The following LEKR1 variants were observed in gnomAD, a reference collection of about 807,000 sequenced individuals.
The protein encoded by LEKR1 is leucine, glutamate and lysine rich 1.
In LEKR1, 59 loss-of-function variants were observed where a neutral mutation model predicts 72.4. The ratio of observed to expected loss-of-function variants is 0.82; its 90% CI spans 0.66 to 1.01. The LOEUF is 1.01. Ranked by LOEUF, LEKR1 falls within the 50% of genes least tolerant of loss-of-function variation. The pLI, the probability that LEKR1 is intolerant of heterozygous loss-of-function variation, is 0.00. For missense variants in LEKR1, 728 were observed against 759.2 expected, an observed-to-expected ratio of 0.96 and a Z score of 0.48; for synonymous variants, 257 against 263.2, an observed-to-expected ratio of 0.98 and a Z score of 0.23.
intron 3 of LEKR1, among the ~76,000 whole-genome samples, chr3:156,885,670 C>T (rs754821446): frequency 1.3e-5 from 2 of 152,190 alleles, no homozygotes; most frequent in Non-Finnish European, 2.9e-5. Flanking sequence ...GTAGAGATGG[C>T]GGAGAAGTAA....
At chr3:156,958,007 A>G (rs570538098) in intron 6 of LEKR1, among the ~76,000 whole-genome samples, 1 of 152,278 alleles carries the variant, frequency 6.6e-6, no homozygotes, top group South Asian at 2.1e-4. Context: ...AACAGAGAAA[A>G]CATTTTTGAA....
chr3:156,944,373 T>C (rs1010595212), intron 6 of LEKR1, among the ~76,000 whole-genome samples: 4 of 151,806 alleles, frequency 2.6e-5, no homozygotes, highest in Non-Finnish European at 4.4e-5. Context: ...AAATGAGGTG[T>C]CCTGCCTCAA....
chr3:156,882,588 G>C (rs1368495738), intron 3 of LEKR1, among the ~76,000 whole-genome samples: 1 of 152,216 alleles, frequency 6.6e-6, no homozygotes, highest in African/African-American at 2.4e-5. Flanking sequence ...GTGGAAGTCA[G>C]TGTGGCAATT....
intron 9 of LEKR1, among the ~76,000 whole-genome samples, chr3:157,006,313 A>G (rs1732435661): frequency 6.6e-6 from 1 of 152,304 alleles, no homozygotes; most frequent in African/African-American, 2.4e-5. Flanking sequence ...CCACTACTAT[A>G]CATTTTTAGA....
At chr3:156,878,065 G>A (rs993650089) in intron 3 of LEKR1, among the ~76,000 whole-genome samples, 1 of 151,902 alleles carries the variant, frequency 6.6e-6, no homozygotes, top group African/African-American at 2.4e-5. Flanking sequence ...ACAGGTGTGA[G>A]CCACCGCACT....
At chr3:156,975,097 T>G (rs1729578448) in intron 6 of LEKR1, among the ~76,000 whole-genome samples, 1 of 152,174 alleles carries the variant, frequency 6.6e-6, no homozygotes, top group African/African-American at 2.4e-5. Flanking sequence ...TCCTGTATGA[T>G]AGTGACTATT....
At chr3:156,874,100 C>T (rs1379338446) in intron 3 of LEKR1, among the ~76,000 whole-genome samples, 3 of 152,020 alleles carry the variant, frequency 2.0e-5, no homozygotes, top group Non-Finnish European at 2.9e-5. Context: ...CTAATCCATT[C>T]ATTTTCTGTT....
At chr3:157,043,847 A>AT (rs1325498749) in intron 12 of LEKR1, among the ~76,000 whole-genome samples, 2 of 152,150 alleles carry the variant, frequency 1.3e-5, no homozygotes, top group East Asian at 1.9e-4. Flanking sequence ...TTAACCCATG[A>AT]TTTTTTTAAA....
At chr3:156,887,502 T>C (rs1720228956) in intron 3 of LEKR1, among the ~76,000 whole-genome samples, 1 of 152,330 alleles carries the variant, frequency 6.6e-6, no homozygotes, top group East Asian at 1.9e-4. Flanking sequence ...TATGAACTGT[T>C]ATGTAGATGT....
At chr3:157,004,574 A>T (rs1276429645) in intron 9 of LEKR1, among the ~76,000 whole-genome samples, 1 of 152,168 alleles carries the variant, frequency 6.6e-6, no homozygotes, top group Non-Finnish European at 1.5e-5. Flanking sequence ...TGATTGGGAC[A>T]TGAAATAAAA....
intron 6 of LEKR1, among the ~76,000 whole-genome samples, chr3:156,952,844 A>G (rs1008026910): frequency 1.3e-5 from 2 of 151,528 alleles, no homozygotes; most frequent in African/African-American, 4.8e-5. Context: ...TAAATTGTGC[A>G]GTATTCAAAC....
chr3:156,877,166 A>G (rs1718696783), intron 3 of LEKR1, among the ~76,000 whole-genome samples: 3 of 152,190 alleles, frequency 2.0e-5, no homozygotes, highest in Admixed American at 2.0e-4. Context: ...TATGAAACCT[A>G]ATTGATCATG....
In LEKR1 at chr3:157,045,817, T is replaced by C. The variant is rs1735717924; in HGVS notation, c.*67T>C. On this transcript the variant is annotated 3_prime_UTR_variant, in exon 13 of 13. Transcript: ENST00000356539. The stretch of plus-strand genomic sequence containing the variant: ...CTTTCAGAGAGTGCCAGGAATTCAC[T>C]GTAACTGAGAATGACAATGATAAAA... The C allele has an allele frequency of 7.6e-7, 1 of 1,311,538 alleles. No homozygotes were observed. The allele number at this position is 1,311,538 out of a possible 1,614,324, so 81.2% of individuals were successfully genotyped here. A position where few individuals can be genotyped will look rare whatever the true frequency, so the allele number is the denominator to read the frequency against.
chr3:156,940,880 G>A (rs899873456), intron 5 of LEKR1, among the ~76,000 whole-genome samples: 14 of 152,124 alleles, frequency 9.2e-5, no homozygotes, highest in South Asian at 2.1e-4. Context: ...GTGACACCAC[G>A]TGTGTGGTGC....
At chr3:156,994,504 G>A (rs1179371374) in intron 9 of LEKR1, among the ~76,000 whole-genome samples, 2 of 152,006 alleles carry the variant, frequency 1.3e-5, no homozygotes, top group Non-Finnish European at 1.5e-5. Flanking sequence ...CTTCAACACC[G>A]AAAATGTACC....
chr3:156,906,069 G>T (rs1221993169), intron 3 of LEKR1, among the ~76,000 whole-genome samples: 2 of 152,092 alleles, frequency 1.3e-5, no homozygotes, highest in African/African-American at 4.8e-5. Flanking sequence ...TTAGAACCAG[G>T]AGCTTGACAA....
chr3:157,018,610 G>A (rs1733570533), intron 10 of LEKR1, among the ~76,000 whole-genome samples: 1 of 152,114 alleles, frequency 6.6e-6, no homozygotes, highest in Middle Eastern at 3.4e-3. Context: ...AGGGGTTGGG[G>A]GGACAGCTTA....
chr3:156,918,731 G>A (rs62275803), intron 3 of LEKR1, among the ~76,000 whole-genome samples: 1 of 152,090 alleles, frequency 6.6e-6, no homozygotes, highest in African/African-American at 2.4e-5. Flanking sequence ...GTGTAAACAT[G>A]TTAGTAATAT....
chr3:156,956,287 A>G (rs1387686074), intron 6 of LEKR1, among the ~76,000 whole-genome samples: 2 of 151,764 alleles, frequency 1.3e-5, no homozygotes, highest in African/African-American at 4.8e-5. Flanking sequence ...TGATCCCTCT[A>G]CTCCTTCAGC....
Sources: allele counts gnomAD v4.1 joint callset (sites outside exome capture counted in the v4.1 genomes callset), GRCh38; gene constraint gnomAD v4.1.1; transcripts MANE v1.5; gene names NCBI Gene and HGNC (gene_info 2026-07-23, HGNC 2026-07-21).